Variants in DLG1 observed in about 807,000 individuals in gnomAD.
The protein encoded by DLG1 is discs large MAGUK scaffold protein 1, also known as disks large homolog 1.
DLG1 carries 42 observed loss-of-function variants against 123.4 expected under a neutral mutation model. That is an observed-to-expected ratio of 0.34 (90% CI 0.27 to 0.44). DLG1 has a LOEUF of 0.44. Among genes scored for constraint, DLG1 ranks in the 20% least tolerant of loss-of-function variants. DLG1 has a pLI of 1.00. For synonymous variants in DLG1, 317 were observed against 356.2 expected, an observed-to-expected ratio of 0.89 and a Z score of 1.24; for missense variants, 942 against 1,082.6, an observed-to-expected ratio of 0.87 and a Z score of 1.82.
Position 197,065,404 on chromosome 3 carries a change from A to C in DLG1, c.2245T>G (p.Tyr749Asp). 1 of 1,613,140 alleles carries C rather than the reference A, an allele frequency of 6.2e-7. No individual in the cohort carries two copies. Among genetic ancestry groups the C allele is most frequent in the Non-Finnish European group, 8.5e-7 (1 of 1,179,680 alleles). ...KRDYEVDGRD[Y>D]HFVTSREQME... ...TGCTCTCTTGAAGTCACAAAATGAT[A>C]ATCTCTTCCATCTACCTCATAATCT... is the stretch of plus-strand genomic sequence containing the variant. The change falls in exon 22 of 25, where the codon TAT (tyrosine) becomes GAT (aspartate). Residue 749 changes from tyrosine to aspartate, a missense_variant. By Grantham distance (160) the Tyr-to-Asp change is radical (BLOSUM62 -3). Transcript: ENST00000667157.
At chr3:197,054,972 C>T (rs191355609) in intron 23 of DLG1, among the ~76,000 whole-genome samples, 15 of 152,220 alleles carry the variant, frequency 9.9e-5, no homozygotes, top group Admixed American at 8.5e-4. Context: ...CCCGCCACCA[C>T]GCCCAGCTAA....
intron 5 of DLG1, among the ~76,000 whole-genome samples, chr3:197,159,438 T>C (rs958090563): frequency 6.6e-6 from 1 of 152,166 alleles, no homozygotes; most frequent in Non-Finnish European, 1.5e-5. Flanking sequence ...TTTTAATAGA[T>C]GAAGGGGGTA....
intron 4 of DLG1, among the ~76,000 whole-genome samples, chr3:197,273,186 ATATGTGTGTGTGTGTGTGTGTGTG>A (rs944871099): frequency 8.5e-6 from 1 of 117,288 alleles, no homozygotes; most frequent in Non-Finnish European, 1.8e-5. Flanking sequence ...TACACTGAAT[ATATGTGTGTGTGTGTGTGTGTGTG>A]TATGTGTGTG....
At chr3:197,126,779 A>C (rs1779347394) in intron 11 of DLG1, among the ~76,000 whole-genome samples, 1 of 152,356 alleles carries the variant, frequency 6.6e-6, no homozygotes, top group African/African-American at 2.4e-5. Flanking sequence ...ATACTTGAGC[A>C]ATTAATAAAT....
chr3:197,066,478 G>T (rs567988435), intron 20 of DLG1, among the ~76,000 whole-genome samples: 1 of 152,242 alleles, frequency 6.6e-6, no homozygotes, highest in South Asian at 2.1e-4. Flanking sequence ...GAACAAAGTT[G>T]CTTGGGAAAT....
At chr3:197,138,115 G>T in intron 9 of DLG1, 107 bp downstream of exon 9, 1 of 597,816 alleles carries the variant, frequency 1.7e-6, no homozygotes, top group East Asian at 3.2e-5. Context: ...AAGTTCTGTA[G>T]AATATTACTA....
chr3:197,239,736 C>CAGA (rs999727505), intron 4 of DLG1, among the ~76,000 whole-genome samples: 52 of 151,620 alleles, frequency 3.4e-4, no homozygotes, highest in African/African-American at 1.2e-3. Context: ...AAGCTGGCTT[C>CAGA]ACTCCTCTCA....
intron 4 of DLG1, among the ~76,000 whole-genome samples, chr3:197,227,863 A>C (rs1003862564): frequency 1.3e-5 from 2 of 152,216 alleles, no homozygotes; most frequent in Non-Finnish European, 1.5e-5. Context: ...ATAACTGCAA[A>C]TCACATGACT....
intron 14 of DLG1, among the ~76,000 whole-genome samples, chr3:197,092,916 A>AT (rs1437508816): frequency 1.3e-5 from 2 of 152,096 alleles, no homozygotes; most frequent in African/African-American, 4.8e-5. Context: ...TGCCTTTAAA[A>AT]TTTTTCATTG....
chr3:197,272,224 C>T (rs1001035261), intron 4 of DLG1, among the ~76,000 whole-genome samples: 12 of 152,064 alleles, frequency 7.9e-5, no homozygotes, highest in Non-Finnish European at 1.6e-4. Context: ...CAGTGGCTCA[C>T]GCCTATAAAC....
At chr3:197,053,909 T>C (rs887504590) in intron 23 of DLG1, among the ~76,000 whole-genome samples, 1 of 151,792 alleles carries the variant, frequency 6.6e-6, no homozygotes, top group African/African-American at 2.4e-5. Context: ...CTGGGAAACA[T>C]GGCAAAATCC....
intron 4 of DLG1, among the ~76,000 whole-genome samples, chr3:197,248,720 G>C (rs1296136579): frequency 1.3e-5 from 2 of 150,650 alleles, no homozygotes; most frequent in Non-Finnish European, 3.0e-5. Context: ...ATAGGACAAA[G>C]AACCAGGAAG....
chr3:197,123,704 G>C (rs150319355), intron 11 of DLG1, among the ~76,000 whole-genome samples: 135 of 152,206 alleles, frequency 8.9e-4, no homozygotes, highest in Middle Eastern at 3.4e-3. Context: ...CTAAACATAT[G>C]CCTACCCTGT....
At chr3:197,244,502 G>A (rs905298773) in intron 4 of DLG1, among the ~76,000 whole-genome samples, 14 of 152,006 alleles carry the variant, frequency 9.2e-5, no homozygotes, top group Admixed American at 5.9e-4. Context: ...TTACCTCTAC[G>A]ACGGCCACTT....
intron 4 of DLG1, among the ~76,000 whole-genome samples, chr3:197,273,209 T>TGTGC (rs1419522544): frequency 6.6e-6 from 1 of 151,200 alleles, no homozygotes. Context: ...TGTGTGTGTG[T>TGTGC]GTATGTGTGT....
chr3:197,207,400 A>G (rs1048291455), intron 4 of DLG1, among the ~76,000 whole-genome samples: 3 of 152,262 alleles, frequency 2.0e-5, no homozygotes, highest in African/African-American at 7.2e-5. Flanking sequence ...CGTTCTTGGC[A>G]GAAAGAATCA....
chr3:197,285,175 G>A (rs937026628), intron 3 of DLG1, among the ~76,000 whole-genome samples: 2 of 152,032 alleles, frequency 1.3e-5, no homozygotes, highest in African/African-American at 4.8e-5. Context: ...GGGAGTAAAG[G>A]GAAAGTGCAG....
At chr3:197,149,614 A>G (rs996190992) in intron 6 of DLG1, 129 bp downstream of exon 6, 68 of 709,824 alleles carry the variant, frequency 9.6e-5, no homozygotes, top group Middle Eastern at 4.7e-4. Flanking sequence ...TTACAGCTAT[A>G]GTATATAGTG....
chr3:197,273,524 C>G (rs1764883178), intron 4 of DLG1, among the ~76,000 whole-genome samples: 1 of 152,126 alleles, frequency 6.6e-6, no homozygotes, highest in East Asian at 1.9e-4. Flanking sequence ...AGGCGTGAGC[C>G]ACCGCACCCG....
Sources: allele counts gnomAD v4.1 joint callset (sites outside exome capture counted in the v4.1 genomes callset), GRCh38; gene constraint gnomAD v4.1.1; transcripts MANE v1.5; gene names NCBI Gene and HGNC (gene_info 2026-07-23, HGNC 2026-07-21).